SLC16A6: variants seen among roughly 807,000 people sequenced by gnomAD.
The protein encoded by SLC16A6 is solute carrier family 16 member 6, also known as monocarboxylate transporter 7.
In SLC16A6, 15 loss-of-function variants were observed where a neutral mutation model predicts 33.8. The ratio of observed to expected loss-of-function variants is 0.44; its 90% CI spans 0.30 to 0.68. The LOEUF is 0.68. Ranked by LOEUF, SLC16A6 falls within the 30% of genes least tolerant of loss-of-function variation. The pLI, the probability that SLC16A6 is intolerant of heterozygous loss-of-function variation, is 0.10. For missense variants in SLC16A6, 451 were observed against 661.5 expected, an observed-to-expected ratio of 0.68 and a Z score of 3.49; for synonymous variants, 219 against 248.4, an observed-to-expected ratio of 0.88 and a Z score of 1.11.
intron 4 of SLC16A6, 131 bp downstream of exon 4, chr17:68,272,508 G>T (rs1555749268): frequency 1.9e-6 from 2 of 1,055,168 alleles, no homozygotes; most frequent in African/African-American, 1.6e-5. Flanking sequence ...AGCTGGAGAA[G>T]AGACGTAAAT....
intron 1 of SLC16A6, among the ~76,000 whole-genome samples, chr17:68,284,367 C>T (rs2075794296): frequency 6.6e-6 from 1 of 152,080 alleles, no homozygotes; most frequent in African/African-American, 2.4e-5. Context: ...GCACTCCAGT[C>T]TGGGTGACAG....
At chr17:68,286,028 G>A (rs2075834061) in intron 1 of SLC16A6, among the ~76,000 whole-genome samples, 1 of 152,122 alleles carries the variant, frequency 6.6e-6, no homozygotes, top group Admixed American at 6.6e-5. Context: ...CAAAGTGCTG[G>A]GATTACAGAT....
Position 68,268,789 on chromosome 17 carries a change from G to A in SLC16A6, c.*307C>T, listed in dbSNP as rs1169945413. 1.2e-4 allele frequency: 37 copies of A among 301,674 alleles called. No homozygotes were observed. The highest frequency in any genetic ancestry group is 2.0e-4 in the Non-Finnish European group (32 of 164,088). The allele number at this position is 301,674 out of a possible 1,614,324, so 18.7% of individuals were successfully genotyped here. On this transcript the variant is annotated 3_prime_UTR_variant, in exon 6 of 6. Transcript: ENST00000580666. ...CAGTTCATGTCACTATTTTAATATC[G>A]GAATGTGAACCAAAGAGTCTTTCTA...
At chr17:68,284,204 C>A (rs202230916) in intron 1 of SLC16A6, among the ~76,000 whole-genome samples, 1 of 151,328 alleles carries the variant, frequency 6.6e-6, no homozygotes, top group East Asian at 1.9e-4. Flanking sequence ...AGTTTGAGAC[C>A]AGCCTAGCCA....
At chr17:68,272,800 C>A in intron 3 of SLC16A6, 33 bp from the exon 4 acceptor site, 2 of 1,611,930 alleles carry the variant, frequency 1.2e-6, no homozygotes, top group Admixed American at 1.7e-5. Flanking sequence ...GCCAATGAGA[C>A]CCACATACTG....
At chr17:68,270,755 G>A (rs2075312776) in intron 5 of SLC16A6, 84 bp downstream of exon 5, 4 of 1,268,880 alleles carry the variant, frequency 3.2e-6, no homozygotes, top group Non-Finnish European at 3.3e-6. Context: ...ACGGCAGTAA[G>A]TTTTTTTTAT....
At chr17:68,288,073 T>A (rs1204310279) in intron 1 of SLC16A6, among the ~76,000 whole-genome samples, 1 of 148,390 alleles carries the variant, frequency 6.7e-6, no homozygotes, top group Non-Finnish European at 1.5e-5. Flanking sequence ...CTCAGCCCAC[T>A]GCAAGCTCTG....
At chr17:68,283,878 C>CAAAAAA (rs58291216) in intron 1 of SLC16A6, among the ~76,000 whole-genome samples, 147 of 55,098 alleles carry the variant, frequency 2.7e-3, no homozygotes, top group East Asian at 4.9e-3. Flanking sequence ...AACTCCGTCT[C>CAAAAAA]AAAAAAAAAA....
chr17:68,278,273 A>C lies in SLC16A6; in HGVS notation c.48T>G (p.Thr16=). ...LKLCSKANVY[T]EVPDGGWGWA... ...AGCCCCATCCTCCATCAGGCACTTC[A>C]GTATACACATTGGCTTTGGAACAAA... The change falls in exon 2 of 6, where the codon ACT becomes ACG. Residue 16 remains threonine (T), a synonymous_variant. Transcript: ENST00000580666. 6.2e-7 allele frequency: 1 copy of C among 1,614,210 alleles called. No individual in the cohort carries two copies. The highest frequency in any genetic ancestry group is 8.5e-7 in the Non-Finnish European group (1 of 1,180,024).
At chr17:68,281,774 G>A (rs1265479189) in intron 1 of SLC16A6, among the ~76,000 whole-genome samples, 2 of 152,038 alleles carry the variant, frequency 1.3e-5, no homozygotes, top group Non-Finnish European at 2.9e-5. Flanking sequence ...ACAAATGCTG[G>A]CAAGGATGCG....
chr17:68,284,269 C>T (rs1388745137), intron 1 of SLC16A6, among the ~76,000 whole-genome samples: 1 of 151,988 alleles, frequency 6.6e-6, no homozygotes, highest in Non-Finnish European at 1.5e-5. Flanking sequence ...GGTGTGGTGG[C>T]ACGTGCCTGT....
intron 3 of SLC16A6, among the ~76,000 whole-genome samples, chr17:68,273,560 A>T (rs1261609680): frequency 6.6e-6 from 1 of 152,150 alleles, no homozygotes; most frequent in Non-Finnish European, 1.5e-5. Context: ...GGCCCCCAAG[A>T]ATAAGTCTGG....
In SLC16A6 at chr17:68,270,715, G is replaced by A. The variant is rs1376782279; in HGVS notation, c.1321+124C>T. On this transcript the variant is annotated intron_variant, in intron 5 of 5. Transcript: ENST00000580666. ...CTGGCTCAGGTAATCTCTAATCCCT[G>A]GCAGCTCTAAAATTCAATGGAAATA... is the stretch of plus-strand genomic sequence containing the variant. 11 of 811,596 alleles carry A rather than the reference G, an allele frequency of 1.4e-5. No individual in the cohort carries two copies. The Admixed American group carries it at 3.2e-4, about 24-fold the overall frequency. 50.3% of individuals were successfully genotyped at this position (811,596 alleles called of 1,614,324 possible). A position where few individuals can be genotyped will look rare whatever the true frequency, so the allele number is the denominator to read the frequency against.
rs782449635 is a variant in SLC16A6, at chr17:68,278,128, A to G, written c.193T>C (p.Trp65Arg). 1 of 1,614,176 alleles carries G rather than the reference A, an allele frequency of 6.2e-7. No individual in the cohort carries two copies. The highest frequency in any genetic ancestry group is 8.5e-7 in the Non-Finnish European group (1 of 1,179,984). The part of the protein sequence containing the change: ...SFNESNSRIS[W>R]IISICVFVLT... ...ACAAACACACAGATTGAGATTATCC[A>G]TGAGATCCTGCTATTGGATTCATTA... The change falls in exon 2 of 6, where the codon TGG (tryptophan) becomes CGG (arginine). Residue 65 changes from tryptophan to arginine, a missense_variant. Around this residue, in one of 2 missense-constraint regions of SLC16A6, gnomAD observed 405 missense variants for 510.7 expected, o/e 0.79. Coordinates refer to ENST00000580666, the MANE Select transcript of SLC16A6 (RefSeq NM_004694.5).
chr17:68,271,323 C>T lies in SLC16A6; in HGVS notation c.837G>A (p.Lys279=). ...LVKTSPRPSE[K]KAPLLDFSIL... Reference sequence around the variant, plus strand: ...TGGAGAAGTCTAATAGCGGGGCTTTCTTTTCGCTTGGCCTGGGGCTGGTCT... The same window carrying T: ...TGGAGAAGTCTAATAGCGGGGCTTTTTTTTCGCTTGGCCTGGGGCTGGTCT... Residue 279 remains lysine, a synonymous_variant, in exon 5 of 6, where the codon AAG becomes AAA. Transcript: ENST00000580666. The surrounding 1 kb of genome is among the most constrained non-coding windows in gnomAD (Gnocchi z 5.3). 6.2e-7 allele frequency: 1 copy of T among 1,614,226 alleles called. No homozygotes were observed. The highest frequency in any genetic ancestry group is 8.5e-7 in the Non-Finnish European group (1 of 1,180,036).
Position 68,271,671 on chromosome 17 carries a change from T to G in SLC16A6, c.506-17A>C. On this transcript the variant is annotated splice_polypyrimidine_tract_variant and intron_variant, in intron 4 of 5. Transcript: ENST00000580666. This position sits in a 1 kb window ranked among gnomAD's most constrained non-coding sequence, Gnocchi z 5.3. ...CCATGATTGCTTGAATAGGCAGGAG[T>G]GAAGAAGAAATAATATAAGGTCAAT... 1.3e-6 allele frequency: 2 copies of G among 1,599,430 alleles called. No individual in the cohort carries two copies. Among genetic ancestry groups the G allele is most frequent in the Non-Finnish European group, 1.7e-6 (2 of 1,169,732 alleles).
intron 1 of SLC16A6, among the ~76,000 whole-genome samples, chr17:68,286,760 C>G (rs2075852053): frequency 6.6e-6 from 1 of 152,148 alleles, no homozygotes; most frequent in African/African-American, 2.4e-5. Context: ...CCGCCTTGGC[C>G]TCCCAAAGTG....
Position 68,268,042 on chromosome 17 carries a change from C to T in SLC16A6, c.*1054G>A, listed in dbSNP as rs532210922. 2.0e-5 allele frequency: 3 copies of T among 152,144 alleles called. No individual in the cohort carries two copies. The highest frequency in any genetic ancestry group is 2.0e-4 in the Admixed American group (3 of 15,274). The allele number at this position is 152,144 out of a possible 1,614,324, so 9.4% of individuals were successfully genotyped here. A position where few individuals can be genotyped will look rare whatever the true frequency, so the allele number is the denominator to read the frequency against. On this transcript the variant is annotated 3_prime_UTR_variant, in exon 6 of 6. Coordinates refer to ENST00000580666, the MANE Select transcript of SLC16A6 (RefSeq NM_004694.5). ...AACAAATTAGTTTTGAAAGCTAAGGCGATTTGCAATCCATTATTTTTTCCC... is the reference window on the plus strand; with the variant it reads ...AACAAATTAGTTTTGAAAGCTAAGGTGATTTGCAATCCATTATTTTTTCCC...
intron 1 of SLC16A6, among the ~76,000 whole-genome samples, chr17:68,289,793 T>G (rs1297513904): frequency 1.3e-5 from 2 of 152,152 alleles, no homozygotes; most frequent in African/African-American, 4.8e-5. Flanking sequence ...AGGAAAGTCC[T>G]TTTTCGGAAA....
Sources: allele counts gnomAD v4.1 joint callset (sites outside exome capture counted in the v4.1 genomes callset), GRCh38; gene constraint gnomAD v4.1.1; regional missense constraint gnomAD v4.1.1; non-coding constraint Gnocchi (gnomAD v3.1); transcripts MANE v1.5; gene names NCBI Gene and HGNC (gene_info 2026-07-23, HGNC 2026-07-21).